The following TTC39C variants were observed in gnomAD, a reference collection of about 807,000 sequenced individuals.
TTC39C encodes the protein tetratricopeptide repeat domain 39C.
In TTC39C, 33 loss-of-function variants were observed where a neutral mutation model predicts 76.3. The observed-to-expected ratio is 0.43, with a 90% CI of 0.33 to 0.58. The LOEUF (loss-of-function observed/expected upper bound fraction) is 0.58, where lower values mean the gene tolerates loss of function less well. Among genes scored for constraint, TTC39C ranks in the 20% least tolerant of loss-of-function variants. The pLI is 0.04. For missense variants in TTC39C, 595 were observed against 701.4 expected (o/e 0.85, Z 1.71); for synonymous variants, 254 against 260.6 (o/e 0.97, Z 0.24).
chr18:24,069,357 A>G (rs1037810924), intron 4 of TTC39C, 86 bp downstream of exon 4: 2 of 1,170,806 alleles, frequency 1.7e-6, no homozygotes, highest in Non-Finnish European at 2.5e-6. Context: ...CTTATATTTC[A>G]GTCTTTGAAC....
chr18:24,020,693 A>G (rs2145652513), intron 1 of TTC39C, among the ~76,000 whole-genome samples: 1 of 152,332 alleles, frequency 6.6e-6, no homozygotes, highest in African/African-American at 2.4e-5. Flanking sequence ...TGTGTTGGTT[A>G]GGGAATAGTG....
chr18:24,113,874 G>A lies in TTC39C; in HGVS notation c.985-680G>A, dbSNP rs2084852805. 7.1e-6 allele frequency: 4 copies of A among 566,416 alleles called. No individual in the cohort carries two copies. The East Asian group carries it at 1.2e-4, about 17-fold the overall frequency. 35.1% of individuals were successfully genotyped at this position (566,416 alleles called of 1,614,324 possible). On this transcript the variant is annotated intron_variant, in intron 6 of 13. Coordinates refer to ENST00000317571, the MANE Select transcript of TTC39C (RefSeq NM_001135993.2). ...TTTGCTGGGTCCCAGACAGTGTTAT[G>A]TGAATGAAAGTGTTGGAAATGTAAT...
chr18:24,052,263 G>C (rs2083960077), intron 1 of TTC39C, among the ~76,000 whole-genome samples: 1 of 152,186 alleles, frequency 6.6e-6, no homozygotes, highest in African/African-American at 2.4e-5. Flanking sequence ...TAGAAGGGCT[G>C]TTCGGACTTT....
chr18:24,132,588 C>T lies in TTC39C; in HGVS notation c.*14C>T, dbSNP rs1299738602. Reference sequence around the variant, plus strand: ...GTTCCTCAGTGACAGACCCGGAACACCCGCTCCGTCCCTCCCCACCCAGGG... The same window carrying T: ...GTTCCTCAGTGACAGACCCGGAACATCCGCTCCGTCCCTCCCCACCCAGGG... On this transcript the variant is annotated 3_prime_UTR_variant, in exon 14 of 14. Transcript: ENST00000317571. 6.2e-7 allele frequency: 1 copy of T among 1,604,966 alleles called. No homozygotes were observed. Among genetic ancestry groups the T allele is most frequent in the Non-Finnish European group, 8.5e-7 (1 of 1,173,800 alleles).
chr18:24,058,785 C>T (rs892810460), intron 1 of TTC39C, among the ~76,000 whole-genome samples: 1 of 152,168 alleles, frequency 6.6e-6, no homozygotes, highest in Non-Finnish European at 1.5e-5. Flanking sequence ...ATCTCACTAA[C>T]GCTTGATATT....
intron 11 of TTC39C, among the ~76,000 whole-genome samples, chr18:24,129,290 C>T (rs1322773551): frequency 6.6e-6 from 1 of 152,120 alleles, no homozygotes; most frequent in African/African-American, 2.4e-5. Flanking sequence ...TTTGAAGGAG[C>T]GGAGTGAAGT....
At chr18:24,076,123 C>G (rs2084304543) in intron 4 of TTC39C, among the ~76,000 whole-genome samples, 1 of 152,120 alleles carries the variant, frequency 6.6e-6, no homozygotes, top group African/African-American at 2.4e-5. Flanking sequence ...ACTACAGGCA[C>G]CTGCCACCAA....
At chr18:24,110,471 A>G (rs575630721) in intron 6 of TTC39C, among the ~76,000 whole-genome samples, 5 of 152,354 alleles carry the variant, frequency 3.3e-5, no homozygotes, top group African/African-American at 1.2e-4. Flanking sequence ...TAATGCCTCC[A>G]TGGAAAATCC....
At chr18:24,023,463 TCAGCTG>T (rs2083540083) in intron 1 of TTC39C, among the ~76,000 whole-genome samples, 1 of 152,130 alleles carries the variant, frequency 6.6e-6, no homozygotes, top group Admixed American at 6.5e-5. Context: ...GTCACAGGTG[TCAGCTG>T]CACCTGGCCT....
rs1555762742 is a variant in TTC39C at position 23,997,661 on chromosome 18, A to AGAAAGAAG, written c.-17+4630_-17+4631insGGAAAGAA. On this transcript the variant is annotated intron_variant, in intron 1 of 13. Coordinates refer to the TTC39C transcript ENST00000304621. ...GGAGGGAGGAAGGAAGGAGAAAGAA[A>AGAAAGAAG]GAAAGAAAGAAAGAAAGAAAGAAAG... Among the ~76,000 whole-genome samples, 211 of 92,278 alleles carry AGAAAGAAG rather than the reference A, an allele frequency of 2.3e-3. 3 individuals are homozygous for AGAAAGAAG. Among genetic ancestry groups the AGAAAGAAG allele is most frequent in the Middle Eastern group, 9.3e-3 (2 of 214 alleles). The allele number at this position is 92,278 out of a possible 152,430, so 60.5% of individuals were successfully genotyped here. A position where few individuals can be genotyped will look rare whatever the true frequency, so the allele number is the denominator to read the frequency against.
intron 3 of TTC39C, among the ~76,000 whole-genome samples, chr18:24,067,811 G>T (rs1250461766): frequency 6.6e-6 from 1 of 152,060 alleles, no homozygotes; most frequent in Non-Finnish European, 1.5e-5. Flanking sequence ...GTTTTCGGTG[G>T]CCCCTCTCAC....
intron 1 of TTC39C, among the ~76,000 whole-genome samples, chr18:24,040,590 A>G (rs72879803): frequency 1.5e-3 from 222 of 152,330 alleles, no homozygotes; most frequent in Non-Finnish European, 2.4e-3. Context: ...ATATTTATAT[A>G]TAACAATTTT....
chr18:24,117,109 C>T (rs1406362774), intron 7 of TTC39C, among the ~76,000 whole-genome samples: 1 of 152,016 alleles, frequency 6.6e-6, no homozygotes, highest in Non-Finnish European at 1.5e-5. Context: ...TAGGATTAGT[C>T]CTTGCTAATA....
chr18:24,107,431 G>T (rs1568440006), intron 6 of TTC39C, among the ~76,000 whole-genome samples: 1 of 151,956 alleles, frequency 6.6e-6, no homozygotes, highest in Non-Finnish European at 1.5e-5. Flanking sequence ...CTTGAATTTT[G>T]GTTCCCATAG....
At chr18:24,014,691 G>A (rs1176049310), upstream of TTC39C, 2 of 976,194 alleles carry the variant, frequency 2.0e-6, no homozygotes, top group Non-Finnish European at 2.6e-6. Context: ...CGCCGCAGCC[G>A]GGCCGCGGCT....
intron 2 of TTC39C, 88 bp downstream of exon 2, chr18:24,064,276 C>A: frequency 6.9e-7 from 1 of 1,457,922 alleles, no homozygotes; most frequent in Non-Finnish European, 9.4e-7. Flanking sequence ...TATAGATACA[C>A]TATTGTAGAA....
intron 1 of TTC39C, among the ~76,000 whole-genome samples, chr18:24,057,259 G>A (rs68131745): frequency 0.14 from 21,667 of 151,852 alleles, 1,923 homozygotes; most frequent in Admixed American, 0.23. Context: ...ATTACACACC[G>A]AAAAAAAGAA....
At chr18:24,057,738 G>A (rs552207953) in intron 1 of TTC39C, among the ~76,000 whole-genome samples, 7 of 152,236 alleles carry the variant, frequency 4.6e-5, no homozygotes, top group Admixed American at 2.6e-4. Context: ...CATGGTGTAT[G>A]TGTCTTTTGG....
In TTC39C at chr18:24,080,741, G is replaced by T. The variant is rs763129616; in HGVS notation, c.617G>T (p.Gly206Val). The T allele has an allele frequency of 3.1e-6, 5 of 1,614,012 alleles. No homozygotes were observed. In the African/African-American group the frequency reaches 5.3e-5, roughly 17 times the overall value. ...AANDNHIVAE[G>V]VSEESLNRLK... ...AATGATAATCACATTGTGGCTGAAG[G>T]GGTGTCTGAGGAGTCTCTGAACAGA... The change falls in exon 5 of 14, where the codon GGG (glycine) becomes GTG (valine). Residue 206 changes from glycine (G) to valine (V), a missense_variant. Transcript: ENST00000317571.
Sources: gnomAD v4.1 joint callset for allele counts (sites outside exome capture counted in the v4.1 genomes callset) on GRCh38, gnomAD v4.1.1 for gene constraint, MANE v1.5 for transcripts, NCBI Gene and HGNC (gene_info 2026-07-23, HGNC 2026-07-21) for gene names.